The following MAGI2 variants were observed in gnomAD, a reference collection of about 807,000 sequenced individuals.
MAGI2 encodes membrane associated guanylate kinase, WW and PDZ domain containing 2.
MAGI2 carries 35 observed loss-of-function variants against 133.3 expected under a neutral mutation model. The observed-to-expected ratio is 0.26, with a 90% CI of 0.20 to 0.35. The LOEUF (loss-of-function observed/expected upper bound fraction) is 0.35. MAGI2 is among the 10% of genes least tolerant of loss of function. The pLI is 1.00. For missense variants in MAGI2, 1,636 were observed against 1,863.4 expected (o/e 0.88, Z 2.25); for synonymous variants, 729 against 710.6 (o/e 1.03, Z -0.41).
chr7:78,213,355 C>T (rs1336541537), intron 10 of MAGI2, among the ~76,000 whole-genome samples: 1 of 152,096 alleles, frequency 6.6e-6, no homozygotes, highest in Non-Finnish European at 1.5e-5. Flanking sequence ...AAAGGTTATT[C>T]TATTTGTAGA....
chr7:78,512,931 G>A (rs887606987), intron 4 of MAGI2, among the ~76,000 whole-genome samples: 26 of 152,124 alleles, frequency 1.7e-4, no homozygotes, highest in East Asian at 7.7e-4. Flanking sequence ...AAGATTAGTA[G>A]AGGAAATTAT....
chr7:78,659,177 C>T (rs776480190), intron 2 of MAGI2, among the ~76,000 whole-genome samples: 21 of 151,864 alleles, frequency 1.4e-4, no homozygotes, highest in Non-Finnish European at 2.1e-4. Context: ...ATAGGCCGGG[C>T]GCGGTGACTC....
chr7:79,152,511 T>G (rs774636494), intron 1 of MAGI2, among the ~76,000 whole-genome samples: 10 of 152,262 alleles, frequency 6.6e-5, no homozygotes, highest in Non-Finnish European at 1.3e-4. Context: ...TAAGTGCTAT[T>G]TGGCTACAAT....
intron 14 of MAGI2, among the ~76,000 whole-genome samples, chr7:78,177,041 C>T (rs944635986): frequency 6.6e-6 from 1 of 151,476 alleles, no homozygotes; most frequent in Non-Finnish European, 1.5e-5. Context: ...GTGATCCAGA[C>T]ATAATGCCAA....
At chr7:78,600,720 C>G (rs1406346809) in intron 3 of MAGI2, among the ~76,000 whole-genome samples, 1 of 151,998 alleles carries the variant, frequency 6.6e-6, no homozygotes, top group Admixed American at 6.6e-5. Context: ...ACTGTGATTA[C>G]ACACGAGGGG....
At chr7:78,115,424 T>C (rs1383671466) in intron 20 of MAGI2, among the ~76,000 whole-genome samples, 1 of 152,134 alleles carries the variant, frequency 6.6e-6, no homozygotes, top group Non-Finnish European at 1.5e-5. Context: ...TGGTGAAATA[T>C]ATTGTTAAAA....
At chr7:78,453,210 C>T (rs1563018837) in intron 6 of MAGI2, among the ~76,000 whole-genome samples, 1 of 152,162 alleles carries the variant, frequency 6.6e-6, no homozygotes, top group Non-Finnish European at 1.5e-5. Flanking sequence ...TCGACATGTA[C>T]AGCAGTTAAA....
chr7:79,178,930 C>CATAGTATGAGAG (rs1826367167), intron 1 of MAGI2, among the ~76,000 whole-genome samples: 1 of 151,842 alleles, frequency 6.6e-6, no homozygotes, highest in South Asian at 2.1e-4. Context: ...AGCATGTCTA[C>CATAGTATGAGAG]ATAGTATGAG....
At chr7:78,873,590 A>G (rs533586483) in intron 2 of MAGI2, among the ~76,000 whole-genome samples, 1 of 152,082 alleles carries the variant, frequency 6.6e-6, no homozygotes, top group Non-Finnish European at 1.5e-5. Flanking sequence ...CTGATTCTAC[A>G]TTATGGTTGG....
At chr7:78,070,502 GTA>G (rs200378174) in intron 21 of MAGI2, among the ~76,000 whole-genome samples, 12,785 of 145,164 alleles carry the variant, frequency 0.088, 889 homozygotes, top group African/African-American at 0.18. Context: ...ATATGTGTGT[GTA>G]TATATATGTG....
At chr7:79,284,885 T>C (rs1046489333) in intron 1 of MAGI2, among the ~76,000 whole-genome samples, 7 of 152,090 alleles carry the variant, frequency 4.6e-5, no homozygotes, top group Non-Finnish European at 8.8e-5. Context: ...GTATCTGCAC[T>C]TCGGTCCTTA....
rs554045587 is a variant in MAGI2 at position 78,458,069 on chromosome 7, G to T, written c.1045+31692C>A. Among the ~76,000 whole-genome samples the T allele has an allele frequency of 4.0e-5, 6 of 151,636 alleles. No homozygotes were observed. The South Asian group carries it at 1.3e-3, about 32-fold the overall frequency. On this transcript the variant is annotated intron_variant, in intron 6 of 21. Transcript: ENST00000354212. ...TCCCAGCACTTTGGGAGGCTAAGGC[G>T]GGCAGATCATGAGGTCAGGAGATCG...
intron 3 of MAGI2, among the ~76,000 whole-genome samples, chr7:78,622,141 A>G (rs1296224429): frequency 6.6e-6 from 1 of 152,054 alleles, no homozygotes; most frequent in Non-Finnish European, 1.5e-5. Flanking sequence ...AAGAAGAAAC[A>G]GGGTTTATGG....
At chr7:78,226,147 C>T (rs1374130342) in intron 10 of MAGI2, among the ~76,000 whole-genome samples, 1 of 152,060 alleles carries the variant, frequency 6.6e-6, no homozygotes, top group Non-Finnish European at 1.5e-5. Flanking sequence ...TGCTTAATTT[C>T]AATTTTTTAT....
intron 6 of MAGI2, among the ~76,000 whole-genome samples, chr7:78,400,911 G>A (rs1202753825): frequency 2.0e-5 from 3 of 152,214 alleles, no homozygotes; most frequent in East Asian, 3.9e-4. Flanking sequence ...TCAGTTCTGA[G>A]AACCTTATCT....
intron 5 of MAGI2, among the ~76,000 whole-genome samples, chr7:78,495,359 G>A (rs538504425): frequency 5.3e-4 from 80 of 152,080 alleles, no homozygotes; most frequent in African/African-American, 1.7e-3. Context: ...GAGAACATGC[G>A]GTGTTTGGTT....
At chr7:78,271,190 T>A (rs888176019) in intron 9 of MAGI2, among the ~76,000 whole-genome samples, 1 of 152,190 alleles carries the variant, frequency 6.6e-6, no homozygotes, top group African/African-American at 2.4e-5. Context: ...GGTGTTGAAT[T>A]TTATCAAAGG....
chr7:79,039,148 A>G (rs1172987148), intron 1 of MAGI2, among the ~76,000 whole-genome samples: 2 of 151,984 alleles, frequency 1.3e-5, no homozygotes, highest in African/African-American at 2.4e-5. Flanking sequence ...TGTTCTCGTG[A>G]TAGTGAGTGA....
rs536502218 is a variant in MAGI2 at position 78,749,958 on chromosome 7, C to T, written c.419-122719G>A. ...CGGAGGCTTGTTATATAGGTATACA[C>T]GTGCCATGGTGGTTTGCTGCACCCA... is the stretch of plus-strand genomic sequence containing the variant. On this transcript the variant is annotated intron_variant, in intron 2 of 21. Coordinates refer to ENST00000354212, the MANE Select transcript of MAGI2 (RefSeq NM_012301.4). Among the ~76,000 whole-genome samples, 13 of 152,190 alleles carry T rather than the reference C, an allele frequency of 8.5e-5. 1 individual carries two copies. The highest frequency in any genetic ancestry group is 2.1e-4 in the South Asian group (1 of 4,822).
Sources: gnomAD v4.1 joint callset for allele counts (sites outside exome capture counted in the v4.1 genomes callset) on GRCh38, gnomAD v4.1.1 for gene constraint, MANE v1.5 for transcripts, NCBI Gene and HGNC (gene_info 2026-07-23, HGNC 2026-07-21) for gene names.